Variants in SORCS2 observed in about 807,000 individuals in gnomAD.
SORCS2 encodes the protein VPS10 domain-containing receptor SorCS2.
A neutral mutation model predicts 141.6 loss-of-function variants in SORCS2; 100 were observed. The observed-to-expected ratio is 0.71, with a 90% CI of 0.60 to 0.83. The LOEUF is 0.83. SORCS2 is among the 40% of genes least tolerant of loss of function. The pLI is 0.00. For synonymous variants in SORCS2, 789 were observed against 676.9 expected (o/e 1.17, Z -2.57); for missense variants, 1,646 against 1,560.2 (o/e 1.05, Z -0.93).
chr4:7,194,970 C>G (rs1360208998), intron 1 of SORCS2, among the ~76,000 whole-genome samples: 2 of 152,142 alleles, frequency 1.3e-5, no homozygotes, highest in Admixed American at 1.3e-4. Flanking sequence ...TGACATCCAG[C>G]CTGCCCCTGT....
chr4:7,552,116 C>T (rs1414297311), intron 3 of SORCS2, among the ~76,000 whole-genome samples: 2 of 152,210 alleles, frequency 1.3e-5, no homozygotes, highest in African/African-American at 2.4e-5. Flanking sequence ...AGCCATTATG[C>T]ATCCTCCAAA....
intron 1 of SORCS2, among the ~76,000 whole-genome samples, chr4:7,314,160 G>C (rs1718385078): frequency 6.6e-6 from 1 of 152,102 alleles, no homozygotes; most frequent in Admixed American, 6.5e-5. Flanking sequence ...CGGTGAGGGG[G>C]TGCCAGCTGC....
At chr4:7,509,659 G>T (rs891732782) in intron 2 of SORCS2, among the ~76,000 whole-genome samples, 24 of 152,230 alleles carry the variant, frequency 1.6e-4, no homozygotes, top group Non-Finnish European at 2.5e-4. Context: ...GGCGAGGAAG[G>T]CCACGTAGAG....
chr4:7,479,171 C>G (rs1389087974), intron 2 of SORCS2, among the ~76,000 whole-genome samples: 2 of 151,880 alleles, frequency 1.3e-5, no homozygotes, highest in Non-Finnish European at 2.9e-5. Flanking sequence ...CAGCTGCCCT[C>G]TCTCTCGGTG....
At chr4:7,613,636 T>A (rs1718567077) in intron 3 of SORCS2, among the ~76,000 whole-genome samples, 1 of 152,122 alleles carries the variant, frequency 6.6e-6, no homozygotes, top group Admixed American at 6.5e-5. Flanking sequence ...ACACTGCTTG[T>A]GGAGATATCT....
intron 1 of SORCS2, among the ~76,000 whole-genome samples, chr4:7,297,141 T>C (rs1717128395): frequency 6.6e-6 from 1 of 152,164 alleles, no homozygotes; most frequent in Non-Finnish European, 1.5e-5. Flanking sequence ...TCTGGGCATC[T>C]CCTCTGCATT....
intron 9 of SORCS2, among the ~76,000 whole-genome samples, chr4:7,681,148 G>A (rs1055621249): frequency 3.9e-5 from 6 of 152,202 alleles, no homozygotes; most frequent in Admixed American, 3.9e-4. Context: ...GTCCTTGGGG[G>A]TCAGGGGAGG....
intron 3 of SORCS2, among the ~76,000 whole-genome samples, chr4:7,534,421 C>T (rs1400330042): frequency 6.6e-6 from 1 of 152,238 alleles, no homozygotes; most frequent in Non-Finnish European, 1.5e-5. Context: ...CAGAGCCTCA[C>T]TCAAAATTAC....
intron 2 of SORCS2, among the ~76,000 whole-genome samples, chr4:7,397,348 C>T (rs1724279646): frequency 6.6e-6 from 1 of 152,122 alleles, no homozygotes; most frequent in African/African-American, 2.4e-5. Context: ...CTGGAGCCCA[C>T]AGGCCTGGTC....
At chr4:7,588,645 C>T (rs1279566537) in intron 3 of SORCS2, among the ~76,000 whole-genome samples, 1 of 152,150 alleles carries the variant, frequency 6.6e-6, no homozygotes, top group African/African-American at 2.4e-5. Context: ...TCTAAGAATC[C>T]TTGTAAAGGC....
At chr4:7,489,435 C>T (rs1288010159) in intron 2 of SORCS2, among the ~76,000 whole-genome samples, 1 of 151,652 alleles carries the variant, frequency 6.6e-6, no homozygotes, top group Non-Finnish European at 1.5e-5. Context: ...TTGCTGGTGT[C>T]TAGGAAGCAT....
intron 19 of SORCS2, among the ~76,000 whole-genome samples, chr4:7,724,262 A>T (rs960164507): frequency 8.0e-5 from 11 of 138,192 alleles, no homozygotes; most frequent in African/African-American, 2.1e-4. Context: ...GGTGTTGGTG[A>T]TGGTGATGAT....
chr4:7,448,073 C>T (rs1038285926), intron 2 of SORCS2, among the ~76,000 whole-genome samples: 3 of 152,182 alleles, frequency 2.0e-5, no homozygotes, highest in African/African-American at 7.2e-5. Context: ...GTGTTACGTC[C>T]AGGAAACACA....
chr4:7,504,483 C>T (rs10032607), intron 2 of SORCS2, among the ~76,000 whole-genome samples: 55 of 151,038 alleles, frequency 3.6e-4, no homozygotes, highest in Middle Eastern at 3.4e-3. Context: ...ATCCTTAAAT[C>T]CTGCTCATTT....
intron 3 of SORCS2, among the ~76,000 whole-genome samples, chr4:7,630,188 C>T (rs1719793645): frequency 6.6e-6 from 1 of 152,158 alleles, no homozygotes; most frequent in Admixed American, 6.5e-5. Context: ...GACCTGGACA[C>T]AGCCCAGGAC....
At chr4:7,300,887 C>T (rs530139797) in intron 1 of SORCS2, among the ~76,000 whole-genome samples, 9 of 152,330 alleles carry the variant, frequency 5.9e-5, no homozygotes, top group African/African-American at 2.2e-4. Flanking sequence ...GCCACTCGGC[C>T]TCTCAGGGTC....
chr4:7,596,071 C>A (rs1425890710), intron 3 of SORCS2, among the ~76,000 whole-genome samples: 1 of 152,228 alleles, frequency 6.6e-6, no homozygotes, highest in Non-Finnish European at 1.5e-5. Context: ...CAGCACTCAT[C>A]CTCACAAATT....
intron 3 of SORCS2, among the ~76,000 whole-genome samples, chr4:7,631,707 G>T (rs1379221694): frequency 6.6e-6 from 1 of 152,166 alleles, no homozygotes; most frequent in Non-Finnish European, 1.5e-5. Context: ...CCTATGGACT[G>T]AATGAGTCAG....
At chr4:7,300,035 A>G (rs1717332000) in intron 1 of SORCS2, among the ~76,000 whole-genome samples, 2 of 152,186 alleles carry the variant, frequency 1.3e-5, no homozygotes, top group Non-Finnish European at 1.5e-5. Context: ...GTTGATAAGA[A>G]AACTAAAGCC....
Sources: allele counts gnomAD v4.1 joint callset (sites outside exome capture counted in the v4.1 genomes callset), GRCh38; gene constraint gnomAD v4.1.1; transcripts MANE v1.5; gene names NCBI Gene and HGNC (gene_info 2026-07-23, HGNC 2026-07-21).